The following DNAH5 variants were observed in gnomAD, a reference collection of about 807,000 sequenced individuals.
DNAH5 encodes dynein axonemal heavy chain 5.
Under a neutral mutation model 518.2 loss-of-function variants are expected in DNAH5, and 372 were observed. The ratio of observed to expected loss-of-function variants is 0.72; its 90% CI spans 0.66 to 0.78. The LOEUF is 0.78. Among genes scored for constraint, DNAH5 ranks in the 30% least tolerant of loss-of-function variants. The probability of loss-of-function intolerance (pLI) is 0.00; values close to 1 mark genes in which losing one functional copy is unlikely to be tolerated. For synonymous variants in DNAH5, 2,039 were observed against 2,025.9 expected (o/e 1.01, Z -0.17); for missense variants, 5,523 against 5,687.0 (o/e 0.97, Z 0.93).
intron 1 of DNAH5, among the ~76,000 whole-genome samples, chr5:13,957,424 A>C (rs190565177): frequency 1.3e-4 from 20 of 152,344 alleles, no homozygotes; most frequent in African/African-American, 4.8e-4. Context: ...AAGTTACTGA[A>C]TGCTTTAATG....
At chr5:13,865,400 G>A (rs908329886) in intron 27 of DNAH5, among the ~76,000 whole-genome samples, 2 of 152,142 alleles carry the variant, frequency 1.3e-5, no homozygotes, top group Non-Finnish European at 2.9e-5. Context: ...TGTTTCATAA[G>A]TGTAATATAA....
intron 32 of DNAH5, among the ~76,000 whole-genome samples, chr5:13,842,187 C>G (rs1413769105): frequency 6.6e-6 from 1 of 151,700 alleles, no homozygotes; most frequent in East Asian, 1.9e-4. Context: ...CAAGACCAGC[C>G]CGGGCAATAT....
At chr5:14,003,883 C>G (rs1036174058) in intron 1 of DNAH5, among the ~76,000 whole-genome samples, 1 of 152,188 alleles carries the variant, frequency 6.6e-6, no homozygotes, top group South Asian at 2.1e-4. Flanking sequence ...TGAGATTACA[C>G]AAAGAGAGAG....
chr5:13,991,595 A>G (rs1783554980), intron 1 of DNAH5, among the ~76,000 whole-genome samples: 3 of 144,934 alleles, frequency 2.1e-5, no homozygotes, highest in East Asian at 2.3e-4. Context: ...AGGAGGGGGA[A>G]GAGGAGGAGG....
chr5:13,866,609 G>A (rs1013184360), intron 25 of DNAH5, among the ~76,000 whole-genome samples: 1 of 152,148 alleles, frequency 6.6e-6, no homozygotes, highest in African/African-American at 2.4e-5. Context: ...TCAGCTAAAT[G>A]CTAATATCAT....
chr5:13,762,762 G>A lies in DNAH5; in HGVS notation c.10241C>T (p.Ala3414Val). Residue 3414 changes from alanine (A) to valine (V), a missense_variant, in exon 60 of 79, where the codon GCT becomes GTT. Ala to Val is a moderately conservative substitution (Grantham distance 64). This residue lies in a region of DNAH5 where 5,121 missense variants were observed against 5,223.3 expected (regional missense o/e 0.98). Coordinates refer to ENST00000265104, the MANE Select transcript of DNAH5 (RefSeq NM_001369.3). ...TTCTTTGTTTATAGAAAAGAAGGAA[G>A]CCATAGCTTTCGTCCAGGAACAAAG... ...AGLCSWTKAMASFFSINKEVL... is the reference protein window; with the variant it reads ...AGLCSWTKAMVSFFSINKEVL... 1.2e-6 allele frequency: 2 copies of A among 1,614,126 alleles called. No homozygotes were observed. Among genetic ancestry groups the A allele is most frequent in the Non-Finnish European group, 1.7e-6 (2 of 1,179,998 alleles).
chr5:13,919,131 A>G (rs1776969989), intron 7 of DNAH5, 45 bp downstream of exon 7: 2 of 1,612,512 alleles, frequency 1.2e-6, no homozygotes. Flanking sequence ...ATGCATAGAG[A>G]ACTCTTATTC....
At chr5:13,776,797 A>G (rs1428769816) in intron 54 of DNAH5, 91 bp from the exon 55 acceptor site, 2 of 1,449,562 alleles carry the variant, frequency 1.4e-6, no homozygotes, top group Non-Finnish European at 1.9e-6. Flanking sequence ...TCTTTTCTCC[A>G]TTTGTGTTCT....
rs778564926 is a variant in DNAH5 at position 13,862,752 on chromosome 5, C to A, written c.4597-5G>T. ...CACCGCACTGATACAGATGTCCTAT[C>A]AAAATGGCAAGCTCTCATGTTATTG... On this transcript the variant is annotated splice_polypyrimidine_tract_variant and splice_region_variant and intron_variant, in intron 28 of 78. Transcript: ENST00000265104. The A allele has an allele frequency of 1.2e-6, 2 of 1,609,618 alleles. No individual in the cohort carries two copies. The highest frequency in any genetic ancestry group is 1.1e-5 in the South Asian group (1 of 90,926).
intron 55 of DNAH5, among the ~76,000 whole-genome samples, chr5:13,775,547 C>G (rs1199101585): frequency 6.6e-6 from 1 of 152,116 alleles, no homozygotes; most frequent in Non-Finnish European, 1.5e-5. Flanking sequence ...GACAGACAGA[C>G]AGACAACCTA....
At chr5:13,976,351 T>C (rs949151644) in intron 1 of DNAH5, among the ~76,000 whole-genome samples, 9 of 152,198 alleles carry the variant, frequency 5.9e-5, no homozygotes, top group Non-Finnish European at 1.0e-4. Context: ...AATTGTACAC[T>C]ATACTGAGTA....
chr5:13,780,823 T>C lies in DNAH5; in HGVS notation c.8951+6A>G. On this transcript the variant is annotated splice_donor_region_variant and intron_variant, in intron 53 of 78. Transcript: ENST00000265104. ...TGTTAGGTTTGTTAAAGTAAAAGGTTGTCACCTCGTCAGAGTGATCTGGAA... is the reference window on the plus strand; with the variant it reads ...TGTTAGGTTTGTTAAAGTAAAAGGTCGTCACCTCGTCAGAGTGATCTGGAA... The C allele has an allele frequency of 6.2e-7, 1 of 1,613,468 alleles. No individual in the cohort carries two copies. The highest frequency in any genetic ancestry group is 8.5e-7 in the Non-Finnish European group (1 of 1,179,588).
intron 32 of DNAH5, among the ~76,000 whole-genome samples, chr5:13,843,693 C>T (rs895319): frequency 0.16 from 24,360 of 152,110 alleles, 2,001 homozygotes; most frequent in Admixed American, 0.2. Flanking sequence ...CCCACACCTC[C>T]CTTGCACATG....
chr5:13,733,900 A>G (rs1746967577), intron 68 of DNAH5, among the ~76,000 whole-genome samples: 1 of 152,126 alleles, frequency 6.6e-6, no homozygotes, highest in Non-Finnish European at 1.5e-5. Context: ...CCTGCTAGAT[A>G]AAATTATGTC....
chr5:13,842,441 A>AAGAGAGAGAGAGAGAGAGAG lies in DNAH5; in HGVS notation c.5272-538_5272-537insCTCTCTCTCTCTCTCTCTCT, dbSNP rs1177610939. Among the ~76,000 whole-genome samples, 155 of 102,148 alleles carry AAGAGAGAGAGAGAGAGAGAG rather than the reference A, an allele frequency of 1.5e-3. 9 individuals are homozygous for AAGAGAGAGAGAGAGAGAGAG. The highest frequency in any genetic ancestry group is 6.4e-3 in the African/African-American group (150 of 23,282). 67.0% of individuals were successfully genotyped at this position (102,148 alleles called of 152,430 possible). On this transcript the variant is annotated intron_variant, in intron 32 of 78. Transcript: ENST00000265104. ...AGAAAAGAAAAGAAAGAAAGAAAGA[A>AAGAGAGAGAGAGAGAGAGAG]AGAAAGAAAGAAAGAAAGAAAGAAA...
chr5:13,960,874 G>T (rs1465083870), intron 1 of DNAH5, among the ~76,000 whole-genome samples: 1 of 152,338 alleles, frequency 6.6e-6, no homozygotes, highest in South Asian at 2.1e-4. Context: ...TCATCTTTTT[G>T]ATATCGAGTA....
chr5:13,892,076 A>G (rs1391200212), intron 16 of DNAH5, among the ~76,000 whole-genome samples: 1 of 150,300 alleles, frequency 6.7e-6, no homozygotes, highest in Non-Finnish European at 1.5e-5. Context: ...AAATACCTTT[A>G]TTTCCTAAAG....
intron 23 of DNAH5, among the ~76,000 whole-genome samples, chr5:13,871,327 T>A (rs570814065): frequency 2.0e-4 from 30 of 152,280 alleles, no homozygotes; most frequent in Non-Finnish European, 2.8e-4. Context: ...ATAACAGACA[T>A]CTCCTTTCTC....
chr5:13,780,697 A>G, intron 53 of DNAH5, 132 bp downstream of exon 53: 3 of 1,002,798 alleles, frequency 3.0e-6, no homozygotes, highest in South Asian at 1.4e-5. Flanking sequence ...GGGGAAGATG[A>G]TAAGTCAACA....
Sources: allele counts gnomAD v4.1 joint callset (sites outside exome capture counted in the v4.1 genomes callset), GRCh38; gene constraint gnomAD v4.1.1; regional missense constraint gnomAD v4.1.1; transcripts MANE v1.5; gene names NCBI Gene and HGNC (gene_info 2026-07-23, HGNC 2026-07-21).